FLNB: variants seen among roughly 807,000 people sequenced by gnomAD.
FLNB encodes the protein filamin-B.
A neutral mutation model predicts 250.6 loss-of-function variants in FLNB; 111 were observed. The observed-to-expected ratio is 0.44, with a 90% CI of 0.38 to 0.52. FLNB has a LOEUF of 0.52. FLNB is among the 20% of genes least tolerant of loss of function. FLNB has a pLI of 0.00. For synonymous variants in FLNB, 1,302 were observed against 1,372.1 expected (o/e 0.95, Z 1.13); for missense variants, 2,869 against 3,447.8 (o/e 0.83, Z 4.20).
rs779336330 is a variant in FLNB at position 58,098,899 on chromosome 3, G to A, written c.1336G>A (p.Val446Ile). The change falls in exon 8 of 46, where the codon GTT becomes ATT. Residue 446 changes from valine to isoleucine, a missense_variant. By Grantham distance (29) the Val-to-Ile change is conservative (BLOSUM62 3). Around this residue, in one of 5 missense-constraint regions of FLNB, gnomAD observed 1,348 missense variants for 1,466.7 expected, o/e 0.92. Transcript: ENST00000295956. ...TIPKSPFVVQ[V>I]GEACNPNACR... The stretch of plus-strand genomic sequence containing the variant: ...TCCTAAGAGTCCCTTCGTTGTGCAG[G>A]TTGGGGAAGGTGAGTGCTGGGCTGC... 2 of 1,613,866 alleles carry A rather than the reference G, an allele frequency of 1.2e-6. No homozygotes were observed. The highest frequency in any genetic ancestry group is 2.2e-5 in the South Asian group (2 of 91,078).
intron 1 of FLNB, among the ~76,000 whole-genome samples, chr3:58,042,737 T>C (rs896724593): frequency 1.2e-4 from 18 of 152,068 alleles, no homozygotes; most frequent in Non-Finnish European, 2.2e-4. Context: ...CAGGCTGGTC[T>C]CGAACTCCTG....
At chr3:58,041,712 T>C (rs561541289) in intron 1 of FLNB, among the ~76,000 whole-genome samples, 1 of 152,344 alleles carries the variant, frequency 6.6e-6, no homozygotes, top group East Asian at 1.9e-4. Flanking sequence ...AAAGCAGTTA[T>C]GTGCTTGGGT....
chr3:58,021,174 C>T (rs1237960717), intron 1 of FLNB, among the ~76,000 whole-genome samples: 1 of 152,172 alleles, frequency 6.6e-6, no homozygotes, highest in Non-Finnish European at 1.5e-5. Flanking sequence ...GGAGCAGGGG[C>T]CCGGCCTGGT....
rs754014794 is a variant in FLNB at position 58,108,463 on chromosome 3, A to G, written c.1947A>G (p.Arg649=). Residue 649 remains arginine (R), a synonymous_variant, in exon 13 of 46, where the codon CGA becomes CGG. Coordinates refer to ENST00000295956, the MANE Select transcript of FLNB (RefSeq NM_001457.4). ...ACTATCTGCCTTTGCTTCAGGTTCG[A>G]GCATACGGGCCAGGTTTGGAGAAAT... ...ATGGYNPDLV[R]AYGPGLEKSG... is the part of the protein sequence containing the mutation. The G allele has an allele frequency of 6.2e-7, 1 of 1,611,306 alleles. No homozygotes were observed. The highest frequency in any genetic ancestry group is 2.2e-5 in the East Asian group (1 of 44,874).
intron 16 of FLNB, among the ~76,000 whole-genome samples, chr3:58,111,195 A>G (rs775208688): frequency 1.3e-5 from 2 of 152,206 alleles, no homozygotes; most frequent in African/African-American, 2.4e-5. Context: ...CAGGTATGCA[A>G]TAGTGAAGAT....
In FLNB at chr3:58,089,949, G is replaced by T. The variant is rs560566983; in HGVS notation, c.788-4887G>T. Among the ~76,000 whole-genome samples, 11 of 152,072 alleles carry T rather than the reference G, an allele frequency of 7.2e-5. 1 individual carries two copies. Among genetic ancestry groups the T allele is most frequent in the African/African-American group, 2.7e-4 (11 of 41,500 alleles). On this transcript the variant is annotated intron_variant, in intron 4 of 45. Transcript: ENST00000295956. ...TTACAGGTGCCCACCACCACTTCTG[G>T]CTAATTTTTTTATTTTTAGTAGAGA...
At chr3:58,051,427 G>A (rs2097162196) in intron 1 of FLNB, among the ~76,000 whole-genome samples, 1 of 152,214 alleles carries the variant, frequency 6.6e-6, no homozygotes, top group South Asian at 2.1e-4. Flanking sequence ...CTCCGGTTCT[G>A]CAAGCATGTA....
intron 19 of FLNB, among the ~76,000 whole-genome samples, chr3:58,120,848 C>T (rs568070643): frequency 6.6e-6 from 1 of 152,288 alleles, no homozygotes; most frequent in East Asian, 1.9e-4. Flanking sequence ...TGGCAGGCTG[C>T]TGCATATGTC....
At chr3:58,073,238 G>T (rs2097197253) in intron 1 of FLNB, among the ~76,000 whole-genome samples, 1 of 151,800 alleles carries the variant, frequency 6.6e-6, no homozygotes, top group South Asian at 2.1e-4. Context: ...AAAGGAATTG[G>T]CATGGAAACT....
At chr3:58,162,329 G>A (rs2097363175) in intron 42 of FLNB, among the ~76,000 whole-genome samples, 1 of 152,138 alleles carries the variant, frequency 6.6e-6, no homozygotes. Flanking sequence ...GGAGGAAGCG[G>A]CAGTCAGGTG....
chr3:58,136,743 A>ATTTTTTTT (rs1411180386), intron 28 of FLNB, among the ~76,000 whole-genome samples: 2 of 75,198 alleles, frequency 2.7e-5, no homozygotes, highest in South Asian at 5.4e-4. Flanking sequence ...GTCACAGGCC[A>ATTTTTTTT]TTCTTTTTTT....
At chr3:58,135,526 TC>T (rs2097314474) in intron 27 of FLNB, among the ~76,000 whole-genome samples, 2 of 152,218 alleles carry the variant, frequency 1.3e-5, no homozygotes, top group Admixed American at 6.5e-5. Flanking sequence ...ATCATAGACT[TC>T]CATTCCCTTC....
chr3:58,071,851 T>C lies in FLNB; in HGVS notation c.293-5195T>C, dbSNP rs184309643. Among the ~76,000 whole-genome samples, 58 of 152,292 alleles carry C rather than the reference T, an allele frequency of 3.8e-4. No individual in the cohort carries two copies. The South Asian group carries it at 5.4e-3, about 14-fold the overall frequency. On this transcript the variant is annotated intron_variant, in intron 1 of 45. Transcript: ENST00000295956. Reference sequence around the variant, plus strand: ...GTGGTTGCGTGGATCTGGGCCCTCCTGATGTGAGTAGAGAGGTAAAAGGCC... The same window carrying C: ...GTGGTTGCGTGGATCTGGGCCCTCCCGATGTGAGTAGAGAGGTAAAAGGCC...
At chr3:58,146,652 C>T (rs1055675797) in intron 33 of FLNB, 168 bp from the exon 34 acceptor site, 20 of 689,970 alleles carry the variant, frequency 2.9e-5, no homozygotes, top group Non-Finnish European at 4.6e-5. Flanking sequence ...GTTTTTACTG[C>T]GTGGACTGCT....
chr3:58,147,018 C>T (rs1368963515), intron 34 of FLNB, 25 bp downstream of exon 34: 2 of 1,612,744 alleles, frequency 1.2e-6, no homozygotes, highest in Non-Finnish European at 1.7e-6. Flanking sequence ...CTTCTGGGGT[C>T]TTCCTCGTGG....
At position 58,123,367 on chromosome 3, in the gene FLNB, C is replaced by G. The variant is rs1344817670; in HGVS notation, c.3401C>G (p.Ser1134Cys). The change falls in exon 21 of 46, where the codon TCT (serine) becomes TGT (cysteine). Residue 1134 changes from serine to cysteine, a missense_variant. This residue lies in a region of FLNB where 1,348 missense variants were observed against 1,466.7 expected (regional missense o/e 0.92). Coordinates refer to ENST00000295956, the MANE Select transcript of FLNB (RefSeq NM_001457.4). ...KADIEMPFDP[S>C]KVVASGPGLE... ...GACATTGAAATGCCCTTTGACCCCT[C>G]TAAAGTCGTGGCATCGGGGCCAGGT... The G allele has an allele frequency of 6.2e-7, 1 of 1,614,086 alleles. No homozygotes were observed.
At chr3:58,114,585 T>C (rs2097274617) in intron 18 of FLNB, among the ~76,000 whole-genome samples, 1 of 152,242 alleles carries the variant, frequency 6.6e-6, no homozygotes, top group Admixed American at 6.5e-5. Flanking sequence ...GGAAATCTCT[T>C]TTTAATTTTT....
Position 58,135,912 on chromosome 3 carries a change from A to C in FLNB, c.4672-67A>C. ...AGAGGCACTAATTGGAAAATATGTC[A>C]GGGTTTTCCATGAATGTTTTCTACA... is the stretch of plus-strand genomic sequence containing the variant. On this transcript the variant is annotated intron_variant, in intron 27 of 45. Coordinates refer to ENST00000295956, the MANE Select transcript of FLNB (RefSeq NM_001457.4). 2.0e-6 allele frequency: 3 copies of C among 1,505,652 alleles called. No individual in the cohort carries two copies. In the South Asian group the frequency reaches 3.5e-5, roughly 18 times the overall value. 93.3% of individuals were successfully genotyped at this position (1,505,652 alleles called of 1,614,324 possible). A position where few individuals can be genotyped will look rare whatever the true frequency, so the allele number is the denominator to read the frequency against.
intron 6 of FLNB, among the ~76,000 whole-genome samples, chr3:58,096,890 GAGT>G (rs2097239707): frequency 6.6e-6 from 1 of 152,214 alleles, no homozygotes; most frequent in Non-Finnish European, 1.5e-5. Context: ...GCTGAGGATG[GAGT>G]AGTTCAGCTG....
Sources: gnomAD v4.1 joint callset for allele counts (sites outside exome capture counted in the v4.1 genomes callset) on GRCh38, gnomAD v4.1.1 for gene constraint, gnomAD v4.1.1 regional missense constraint, MANE v1.5 for transcripts, NCBI Gene and HGNC (gene_info 2026-07-23, HGNC 2026-07-21) for gene names.